The following PCDHA3 variants were observed in gnomAD, a reference collection of about 807,000 sequenced individuals.
PCDHA3 encodes the protein protocadherin alpha 3, also known as protocadherin alpha-3.
Under a neutral mutation model 62.2 loss-of-function variants are expected in PCDHA3, and 41 were observed. The ratio of observed to expected loss-of-function variants is 0.66; its 90% CI spans 0.51 to 0.86. The LOEUF is 0.86. Ranked by LOEUF, PCDHA3 falls within the 40% of genes least tolerant of loss-of-function variation. The pLI is 0.00. For synonymous variants in PCDHA3, 640 were observed against 555.4 expected, an observed-to-expected ratio of 1.15 and a Z score of -2.14; for missense variants, 1,304 against 1,241.2, an observed-to-expected ratio of 1.05 and a Z score of -0.76.
intron 1 of PCDHA3, among the ~76,000 whole-genome samples, chr5:140,902,432 C>T (rs566549203): frequency 1.3e-5 from 2 of 152,128 alleles, no homozygotes; most frequent in African/African-American, 4.8e-5. Flanking sequence ...AAGTGGGCAT[C>T]CTTGTCATAT....
chr5:140,968,737 C>T, intron 1 of PCDHA3: 2 of 1,614,148 alleles, frequency 1.2e-6, no homozygotes, highest in Non-Finnish European at 1.7e-6. Flanking sequence ...GCACTTTCAA[C>T]CTGACCGTGG....
chr5:140,859,991 A>G (rs1486965129), intron 1 of PCDHA3: 1 of 152,000 alleles, frequency 6.6e-6, no homozygotes, highest in Admixed American at 6.6e-5. Context: ...TAATCTCTCC[A>G]TCAATACTAA....
At chr5:140,963,437 A>G (rs1218824827) in intron 1 of PCDHA3, among the ~76,000 whole-genome samples, 2 of 152,144 alleles carry the variant, frequency 1.3e-5, no homozygotes, top group African/African-American at 4.8e-5. Context: ...CTAACTTCAT[A>G]CTCTGTTGCT....
At chr5:140,978,672 G>C (rs2096816199) in intron 1 of PCDHA3, among the ~76,000 whole-genome samples, 1 of 152,256 alleles carries the variant, frequency 6.6e-6, no homozygotes, top group African/African-American at 2.4e-5. Context: ...TAAGAACACA[G>C]ACATGTATTG....
intron 1 of PCDHA3, among the ~76,000 whole-genome samples, chr5:140,818,642 G>C (rs2150101838): frequency 0.058 from 8,885 of 152,208 alleles, 858 homozygotes; most frequent in African/African-American, 0.2. Context: ...TTCAAGATGA[G>C]CCTGAGCAAT....
intron 1 of PCDHA3, chr5:140,843,527 A>T (rs2150362053): frequency 6.3e-7 from 1 of 1,595,944 alleles, no homozygotes; most frequent in East Asian, 2.2e-5. Flanking sequence ...CCGGGCGGGC[A>T]AGCCCACTCT....
At chr5:140,883,621 C>T (rs368758287) in intron 1 of PCDHA3, 80 of 1,613,850 alleles carry the variant, frequency 5.0e-5, no homozygotes, top group Non-Finnish European at 6.4e-5. Flanking sequence ...TGAACGACAA[C>T]GCGCCGGCGT....
At chr5:140,966,425 G>A in intron 1 of PCDHA3, 1 of 421,678 alleles carries the variant, frequency 2.4e-6, no homozygotes, top group South Asian at 9.9e-5. Flanking sequence ...GACTTGCTGA[G>A]CCCTCCTACC....
At chr5:140,872,840 A>G (rs1297929350) in intron 1 of PCDHA3, among the ~76,000 whole-genome samples, 4 of 152,198 alleles carry the variant, frequency 2.6e-5, no homozygotes, top group African/African-American at 9.6e-5. Context: ...AAAAAATTAA[A>G]TATATTAATG....
At chr5:140,837,739 G>A (rs1207886086) in intron 1 of PCDHA3, among the ~76,000 whole-genome samples, 2 of 151,316 alleles carry the variant, frequency 1.3e-5, no homozygotes, top group Non-Finnish European at 2.9e-5. Flanking sequence ...TGCAGTGGTG[G>A]GATTATAGCC....
intron 1 of PCDHA3, chr5:140,865,913 C>G (rs2049050417): frequency 6.6e-6 from 1 of 152,098 alleles, no homozygotes; most frequent in African/African-American, 2.4e-5. Flanking sequence ...ATCTTTCTTT[C>G]TGTTGTGCTT....
rs782631166 is a variant in PCDHA3, at chr5:140,857,398, C to T, written c.2394+53807C>T. 1.3e-5 allele frequency: 21 copies of T among 1,598,542 alleles called. 2 individuals are homozygous for T. Among genetic ancestry groups the T allele is most frequent in the African/African-American group, 2.7e-5 (2 of 74,494 alleles). ...TGGAGGTGGCCGACGTGAACGACAA[C>T]GCGCCTGCGTTCGCGCAGTCCGAGT... On this transcript the variant is annotated intron_variant, in intron 1 of 3. Coordinates refer to ENST00000522353, the MANE Select transcript of PCDHA3 (RefSeq NM_018906.3).
At chr5:140,961,252 C>T (rs1185090498) in intron 1 of PCDHA3, among the ~76,000 whole-genome samples, 1 of 152,158 alleles carries the variant, frequency 6.6e-6, no homozygotes, top group African/African-American at 2.4e-5. Context: ...TTATCCGAAG[C>T]TCCAGGAAGC....
rs952470653 is a variant in PCDHA3 at position 140,807,569 on chromosome 5, G to C, written c.2394+3978G>C. 10 of 1,614,178 alleles carry C rather than the reference G, an allele frequency of 6.2e-6. No homozygotes were observed. The highest frequency in any genetic ancestry group is 5.0e-5 in the Admixed American group (3 of 60,022). ...GGACGTGGAGGTGAGGGACATTAAC[G>C]ATAACCCGCCGGTGTTCCCAGCAAC... On this transcript the variant is annotated intron_variant, in intron 1 of 3. Coordinates refer to ENST00000522353, the MANE Select transcript of PCDHA3 (RefSeq NM_018906.3).
chr5:140,904,911 G>A (rs2153487307), intron 1 of PCDHA3, among the ~76,000 whole-genome samples: 1 of 152,172 alleles, frequency 6.6e-6, no homozygotes, highest in African/African-American at 2.4e-5. Flanking sequence ...TTACTGATTT[G>A]TTTGACTTCC....
chr5:140,890,439 A>C lies in PCDHA3; in HGVS notation c.2394+86848A>C, dbSNP rs114755692. On this transcript the variant is annotated intron_variant, in intron 1 of 3. Coordinates refer to ENST00000522353, the MANE Select transcript of PCDHA3 (RefSeq NM_018906.3). The stretch of plus-strand genomic sequence containing the variant: ...TATTTAGTTTATATTTACAATACCT[A>C]GTGATATCTTTAGGCACAAATATTT... 7.6e-3 allele frequency among the ~76,000 whole-genome samples: 1,153 copies of C among 152,326 alleles called. 6 individuals are homozygous for C. Among genetic ancestry groups the C allele is most frequent in the Non-Finnish European group, 0.013 (886 of 68,014 alleles).
chr5:140,908,155 G>A (rs559304647), intron 1 of PCDHA3, among the ~76,000 whole-genome samples: 3 of 152,312 alleles, frequency 2.0e-5, no homozygotes, highest in East Asian at 3.9e-4. Flanking sequence ...TCCTAGGAAG[G>A]GGCTGTAGTG....
At chr5:140,951,170 A>G (rs62384503) in intron 1 of PCDHA3, among the ~76,000 whole-genome samples, 5,911 of 151,952 alleles carry the variant, frequency 0.039, 176 homozygotes, top group Non-Finnish European at 0.057. Flanking sequence ...TAGCTACTTT[A>G]AAGTCATTGT....
chr5:140,904,502 G>T (rs1554191560), intron 1 of PCDHA3, among the ~76,000 whole-genome samples: 2 of 151,770 alleles, frequency 1.3e-5, no homozygotes, highest in African/African-American at 4.8e-5. Flanking sequence ...TTTTACAATT[G>T]TGAATTGTGC....
Sources: gnomAD v4.1 joint callset for allele counts (sites outside exome capture counted in the v4.1 genomes callset) on GRCh38, gnomAD v4.1.1 for gene constraint, MANE v1.5 for transcripts, NCBI Gene and HGNC (gene_info 2026-07-23, HGNC 2026-07-21) for gene names.